The following B3GNT3 variants were observed in gnomAD, a reference collection of about 807,000 sequenced individuals.
The protein encoded by B3GNT3 is UDP-GlcNAc:betaGal beta-1,3-N-acetylglucosaminyltransferase 3.
Under a neutral mutation model 11.6 loss-of-function variants are expected in B3GNT3, and 7 were observed. That is an observed-to-expected ratio of 0.60 (90% CI 0.34 to 1.13). The LOEUF is 1.13. B3GNT3 is among the 50% of genes most tolerant of loss of function. The pLI is 0.03. For missense variants in B3GNT3, 400 were observed against 507.4 expected (o/e 0.79, Z 2.03); for synonymous variants, 201 against 222.1 (o/e 0.90, Z 0.85).
chr19:17,809,297 G>A (rs2094177667), intron 2 of B3GNT3, among the ~76,000 whole-genome samples: 1 of 152,006 alleles, frequency 6.6e-6, no homozygotes, highest in Non-Finnish European at 1.5e-5. Flanking sequence ...GAGGTAGCTA[G>A]GCTTGGTGGC....
At chr19:17,796,422 A>T (rs1367990566) in intron 1 of B3GNT3, among the ~76,000 whole-genome samples, 4 of 152,162 alleles carry the variant, frequency 2.6e-5, no homozygotes, top group African/African-American at 9.7e-5. Context: ...ACTTCTCAAG[A>T]GGAAACTGAG....
intron 1 of B3GNT3, among the ~76,000 whole-genome samples, chr19:17,805,725 C>T (rs1438734153): frequency 6.6e-6 from 1 of 152,184 alleles, no homozygotes; most frequent in Non-Finnish European, 1.5e-5. Context: ...CCTCCCTGAT[C>T]CTAGGTTGCT....
At chr19:17,796,457 A>T (rs759529932) in intron 1 of B3GNT3, among the ~76,000 whole-genome samples, 1 of 151,572 alleles carries the variant, frequency 6.6e-6, no homozygotes, top group Non-Finnish European at 1.5e-5. Flanking sequence ...TGGGCGGGGG[A>T]CTCCTGCAGT....
intron 2 of B3GNT3, 58 bp downstream of exon 2, chr19:17,808,432 A>G (rs1300790782): frequency 2.3e-5 from 35 of 1,511,814 alleles, no homozygotes; most frequent in Non-Finnish European, 2.9e-5. Context: ...CCAAATTACC[A>G]CCCACTCCTG....
Position 17,812,704 on chromosome 19 carries a change from G to C in B3GNT3, c.*582G>C, listed in dbSNP as rs1462403794. ...CCCCTCCTTACTTGTGGGATCAAATGCTGTAATGGTGGAGGTGTGGGCAGA... is the reference window on the plus strand; with the variant it reads ...CCCCTCCTTACTTGTGGGATCAAATCCTGTAATGGTGGAGGTGTGGGCAGA... On this transcript the variant is annotated 3_prime_UTR_variant, in exon 3 of 3. Coordinates refer to ENST00000318683, the MANE Select transcript of B3GNT3 (RefSeq NM_014256.4). The C allele has an allele frequency of 6.6e-6, 1 of 152,380 alleles. No individual in the cohort carries two copies. Among genetic ancestry groups the C allele is most frequent in the African/African-American group, 2.4e-5 (1 of 41,240 alleles). The allele number at this position is 152,380 out of a possible 1,614,324, so 9.4% of individuals were successfully genotyped here.
intron 2 of B3GNT3, among the ~76,000 whole-genome samples, chr19:17,810,765 CAGCT>C (rs968769888): frequency 1.3e-5 from 2 of 152,032 alleles, no homozygotes; most frequent in African/African-American, 4.8e-5. Context: ...CCTGTAATCC[CAGCT>C]ACTTGGGAGG....
At chr19:17,809,864 A>G (rs1194344011) in intron 2 of B3GNT3, among the ~76,000 whole-genome samples, 1 of 152,082 alleles carries the variant, frequency 6.6e-6, no homozygotes, top group Non-Finnish European at 1.5e-5. Flanking sequence ...GTAGAGCAAG[A>G]CAAGTAGAGA....
chr19:17,800,892 A>T (rs1476880527), intron 1 of B3GNT3, among the ~76,000 whole-genome samples: 1 of 151,934 alleles, frequency 6.6e-6, no homozygotes, highest in African/African-American at 2.4e-5. Flanking sequence ...ACTTGAACCC[A>T]GGAGGGTGCA....
At chr19:17,803,403 C>G (rs2094168791) in intron 1 of B3GNT3, among the ~76,000 whole-genome samples, 1 of 152,102 alleles carries the variant, frequency 6.6e-6, no homozygotes, top group Non-Finnish European at 1.5e-5. Context: ...GCAGCCACAC[C>G]CCAGGCGGTG....
intron 1 of B3GNT3, among the ~76,000 whole-genome samples, chr19:17,807,479 A>AGAGAGAG: frequency 6.8e-6 from 1 of 146,752 alleles, no homozygotes; most frequent in South Asian, 2.2e-4. Context: ...GCAACAGAAC[A>AGAGAGAG]AGAGAGAGAG....
chr19:17,800,141 G>A (rs1036174723), intron 1 of B3GNT3, among the ~76,000 whole-genome samples: 10 of 152,142 alleles, frequency 6.6e-5, no homozygotes, highest in South Asian at 2.1e-4. Flanking sequence ...TTGGGAGGCC[G>A]AGGCGGGCAG....
chr19:17,795,722 T>C (rs1222371062), intron 1 of B3GNT3, among the ~76,000 whole-genome samples: 1 of 152,192 alleles, frequency 6.6e-6, no homozygotes, highest in African/African-American at 2.4e-5. Context: ...GACACATTGC[T>C]GAACCGGCCT....
At chr19:17,798,650 A>G (rs12982572) in intron 1 of B3GNT3, among the ~76,000 whole-genome samples, 19,233 of 151,188 alleles carry the variant, frequency 0.13, 1,471 homozygotes, top group African/African-American at 0.22. Context: ...CAGCCTGGGC[A>G]ACAGAGTGCG....
intron 1 of B3GNT3, 87 bp from the exon 2 acceptor site, chr19:17,807,671 C>CAACT: frequency 2.4e-6 from 2 of 824,212 alleles, no homozygotes; most frequent in Admixed American, 2.9e-5. Flanking sequence ...CCAACCTGAG[C>CAACT]AACTGTACAG....
Position 17,807,960 on chromosome 19 carries a change from T to TCCGGGCCCCC in B3GNT3, c.155_156insGGGCCCCCCC (p.Pro53GlyfsTer53). ...TCCCCGAGGCCCTGGCCTGGCCCAC[T>TCCGGGCCCCC]CCACCCACCCGCCCAGCCCCGGCCC... On this transcript the variant is annotated frameshift_variant, in exon 2 of 3. Coordinates refer to ENST00000318683, the MANE Select transcript of B3GNT3 (RefSeq NM_014256.4). LOFTEE classifies it high-confidence loss of function. 6.8e-6 allele frequency: 11 copies of TCCGGGCCCCC among 1,609,510 alleles called. No individual in the cohort carries two copies. Among genetic ancestry groups the TCCGGGCCCCC allele is most frequent in the African/African-American group, 1.3e-5 (1 of 74,190 alleles).
At chr19:17,805,921 C>T (rs1014446923) in intron 1 of B3GNT3, among the ~76,000 whole-genome samples, 2 of 152,038 alleles carry the variant, frequency 1.3e-5, no homozygotes, top group South Asian at 2.1e-4. Flanking sequence ...CCTCAGCCTC[C>T]CAAGTAACTG....
At chr19:17,806,524 CT>C (rs1442963039) in intron 1 of B3GNT3, among the ~76,000 whole-genome samples, 12 of 152,128 alleles carry the variant, frequency 7.9e-5, no homozygotes, top group Non-Finnish European at 1.6e-4. Flanking sequence ...GCCAGGTTCT[CT>C]TTGAGGGATG....
At position 17,813,012 on chromosome 19, in the gene B3GNT3, C is replaced by G. The variant is rs967635114; in HGVS notation, c.*890C>G. ...AGCCCCCAGCTTCAGGCCTCAGTGT[C>G]TGCCAGTCAAGCTTCACAGGCATTG... On this transcript the variant is annotated 3_prime_UTR_variant, in exon 3 of 3. Transcript: ENST00000318683. 1 of 152,240 alleles carries G rather than the reference C, an allele frequency of 6.6e-6. No individual in the cohort carries two copies. The highest frequency in any genetic ancestry group is 2.1e-4 in the South Asian group (1 of 4,816). The allele number at this position is 152,240 out of a possible 1,614,324, so 9.4% of individuals were successfully genotyped here. A position where few individuals can be genotyped will look rare whatever the true frequency, so the allele number is the denominator to read the frequency against.
Position 17,805,106 on chromosome 19 carries a change from A to AATTTTTTT in B3GNT3, c.-50-2652_-50-2651insATTTTTTT, listed in dbSNP as rs1555739659. On this transcript the variant is annotated intron_variant, in intron 1 of 2. Transcript: ENST00000318683. Reference sequence around the variant, plus strand: ...CCCTAATCCCTTAGTGACCACAGGGATTTTTTTTTTTTTTTTTAATGACAG... The same window carrying AATTTTTTT: ...CCCTAATCCCTTAGTGACCACAGGGAATTTTTTTTTTTTTTTTTTTTTTTTAATGACAG... Among the ~76,000 whole-genome samples, 845 of 132,022 alleles carry AATTTTTTT rather than the reference A, an allele frequency of 6.4e-3. 8 individuals carry two copies. The highest frequency in any genetic ancestry group is 0.022 in the African/African-American group (793 of 35,348). 86.6% of individuals were successfully genotyped at this position (132,022 alleles called of 152,430 possible). A position where few individuals can be genotyped will look rare whatever the true frequency, so the allele number is the denominator to read the frequency against.
Sources: gnomAD v4.1 joint callset for allele counts (sites outside exome capture counted in the v4.1 genomes callset) on GRCh38, gnomAD v4.1.1 for gene constraint, MANE v1.5 for transcripts, NCBI Gene and HGNC (gene_info 2026-07-23, HGNC 2026-07-21) for gene names.